The following CIITA variants were observed in gnomAD, a reference collection of about 807,000 sequenced individuals.
CIITA encodes class II major histocompatibility complex transactivator.
In CIITA, 72 loss-of-function variants were observed where a neutral mutation model predicts 115.1. That is an observed-to-expected ratio of 0.63 (90% confidence interval 0.52 to 0.76). CIITA has a LOEUF of 0.76. Among genes scored for constraint, CIITA ranks in the 30% least tolerant of loss-of-function variants. The pLI is 0.00. For synonymous variants in CIITA, 763 were observed against 635.6 expected (o/e 1.20, Z -3.02); for missense variants, 1,617 against 1,463.8 (o/e 1.10, Z -1.71).
Position 10,904,777 on chromosome 16 carries a change from C to T in CIITA, c.971C>T (p.Ala324Val), listed in dbSNP as rs759389220. Residue 324 changes from alanine to valine, a missense_variant, in exon 10 of 20, where the codon GCT becomes GTT. By Grantham distance (64) the Ala-to-Val change is moderately conservative (BLOSUM62 0). Coordinates refer to ENST00000324288, the MANE Select transcript of CIITA (RefSeq NM_000246.4). ...HKTSPTQCPA[A>V]GEVSNKLPKW... is the part of the protein sequence containing the mutation. ...ACGTCCCCCACCCAATGCCCGGCAG[C>T]TGGAGAGGTCTCCAACAAGCTTCCA... The T allele has an allele frequency of 1.9e-6, 3 of 1,614,164 alleles. No individual in the cohort carries two copies. In the South Asian group the frequency reaches 3.3e-5, roughly 18 times the overall value.
Position 10,907,631 on chromosome 16 carries a change from G to A in CIITA, c.2139G>A (p.Leu713=), listed in dbSNP as rs1319022837. 6.2e-6 allele frequency: 10 copies of A among 1,614,110 alleles called. No individual in the cohort carries two copies. The highest frequency in any genetic ancestry group is 8.5e-6 in the Non-Finnish European group (10 of 1,180,048). Residue 713 remains leucine (L), a synonymous_variant, in exon 11 of 20, where the codon CTG becomes CTA. Coordinates refer to ENST00000324288, the MANE Select transcript of CIITA (RefSeq NM_000246.4). The surrounding 1 kb of genome is among the most constrained non-coding windows in gnomAD (Gnocchi z 5.0). ...ESELAFPSFL[L]QCFLGALWLA... ...AGCTGGCCTTCCCCAGCTTCCTCCTGCAATGCTTCCTGGGGGCCCTGTGGC... is the reference window on the plus strand; with the variant it reads ...AGCTGGCCTTCCCCAGCTTCCTCCTACAATGCTTCCTGGGGGCCCTGTGGC...
In CIITA at chr16:10,901,894, T is replaced by A; in HGVS notation, c.482-144T>A. The A allele has an allele frequency of 1.7e-6, 2 of 1,198,264 alleles. No homozygotes were observed. Among genetic ancestry groups the A allele is most frequent in the East Asian group, 2.3e-5 (1 of 43,028 alleles). 74.2% of individuals were successfully genotyped at this position (1,198,264 alleles called of 1,614,324 possible). A position where few individuals can be genotyped will look rare whatever the true frequency, so the allele number is the denominator to read the frequency against. On this transcript the variant is annotated intron_variant, in intron 6 of 19. Coordinates refer to ENST00000324288, the MANE Select transcript of CIITA (RefSeq NM_000246.4). This position sits in a 1 kb window ranked among gnomAD's most constrained non-coding sequence, Gnocchi z 6.8. ...GGACTGCCTGGCACAGAGCAGTTGC[T>A]GATCAACACAGCTGCAGCCAGGGCT...
downstream of CIITA, chr16:10,940,794 C>T (rs749795149): frequency 4.6e-5 from 7 of 152,364 alleles, no homozygotes; most frequent in Non-Finnish European, 7.3e-5. This position sits in a 1 kb window ranked among gnomAD's most constrained non-coding sequence, Gnocchi z 4.2. Flanking sequence ...AAAGACAGGA[C>T]TTGACCATCT....
rs2038736337 is a variant in CIITA, at chr16:10,901,388, A to G, written c.437-126A>G. On this transcript the variant is annotated intron_variant, in intron 5 of 19. Coordinates refer to ENST00000324288, the MANE Select transcript of CIITA (RefSeq NM_000246.4). The surrounding 1 kb of genome is among the most constrained non-coding windows in gnomAD (Gnocchi z 6.8). ...GTTGGAATGTTAGAGCGAGGGGAGG[A>G]AAATGGACCCCCAAGACCACTACCC... The G allele has an allele frequency of 1.0e-6, 1 of 986,106 alleles. No homozygotes were observed. Among genetic ancestry groups the G allele is most frequent in the Non-Finnish European group, 1.6e-6 (1 of 633,940 alleles). The allele number at this position is 986,106 out of a possible 1,614,324, so 61.1% of individuals were successfully genotyped here.
chr16:10,941,649 G>T lies in CIITA; in HGVS notation n.775G>T. On this transcript the variant is annotated non_coding_transcript_exon_variant, in exon 2 of 2. Transcript: ENST00000573379. The surrounding 1 kb of genome is among the most constrained non-coding windows in gnomAD (Gnocchi z 6.4). ...TGCCCCCAACCAGCTGCGGCGGCAT[G>T]ATCTGGGCGGCTGGTCCAGGGCATG... 1 of 1,539,700 alleles carries T rather than the reference G, an allele frequency of 6.5e-7. No individual in the cohort carries two copies. Among genetic ancestry groups the T allele is most frequent in the South Asian group, 1.3e-5 (1 of 78,832 alleles).
chr16:10,915,668 G>T lies in CIITA; in HGVS notation c.2969+18G>T, dbSNP rs1015400116. On this transcript the variant is annotated intron_variant, in intron 14 of 19. Transcript: ENST00000324288. ...CATCTGGAGTGAGTATAGACTCTGGGACCCCTTCCTCTCAACATCTGGGTG... is the reference window on the plus strand; with the variant it reads ...CATCTGGAGTGAGTATAGACTCTGGTACCCCTTCCTCTCAACATCTGGGTG... 9 of 1,603,296 alleles carry T rather than the reference G, an allele frequency of 5.6e-6. No homozygotes were observed. Among genetic ancestry groups the T allele is most frequent in the Non-Finnish European group, 7.7e-6 (9 of 1,170,572 alleles).
chr16:10,941,766 A>G lies in CIITA; in HGVS notation n.892A>G. On this transcript the variant is annotated non_coding_transcript_exon_variant, in exon 2 of 2. Coordinates refer to the CIITA transcript ENST00000573379. This position sits in a 1 kb window ranked among gnomAD's most constrained non-coding sequence, Gnocchi z 6.4. ...CGTCGAGCTCCGAGTCAGCATCGTA[A>G]AGGCCCGAGCCGGGGTCGGAGAGCA... 6.2e-7 allele frequency: 1 copy of G among 1,613,352 alleles called. No individual in the cohort carries two copies. The highest frequency in any genetic ancestry group is 8.5e-7 in the Non-Finnish European group (1 of 1,179,656).
rs560340807 is a variant in CIITA, at chr16:10,879,800, C to G, written c.52+2418C>G. On this transcript the variant is annotated intron_variant, in intron 1 of 19. Coordinates refer to ENST00000324288, the MANE Select transcript of CIITA (RefSeq NM_000246.4). This position sits in a 1 kb window ranked among gnomAD's most constrained non-coding sequence, Gnocchi z 4.3. ...GTGGGAGATTGGATCTCCCTGGGGT[C>G]CAGGAAAGCCGGAATCGGAGCCACC... Among the ~76,000 whole-genome samples the G allele has an allele frequency of 6.6e-6, 1 of 152,050 alleles. No individual in the cohort carries two copies. Among genetic ancestry groups the G allele is most frequent in the Non-Finnish European group, 1.5e-5 (1 of 68,014 alleles).
chr16:10,897,333 C>T (rs542385160), intron 3 of CIITA, among the ~76,000 whole-genome samples: 43 of 152,136 alleles, frequency 2.8e-4, no homozygotes, highest in Non-Finnish European at 6.0e-4. Context: ...TCTCATAAAA[C>T]CACTAGTCTT....
At chr16:10,869,779 G>A (rs2143213683) in intron 1 of CIITA, among the ~76,000 whole-genome samples, 1 of 152,196 alleles carries the variant, frequency 6.6e-6, no homozygotes, top group Non-Finnish European at 1.5e-5. Flanking sequence ...AAAGTACTGG[G>A]ATAACAGGCA....
At chr16:10,886,271 T>C (rs1596461237) in intron 1 of CIITA, among the ~76,000 whole-genome samples, 1 of 152,158 alleles carries the variant, frequency 6.6e-6, no homozygotes, top group East Asian at 1.9e-4. Context: ...GTACTATGTT[T>C]TTAGGATCTA....
intron 12 of CIITA, 34 bp from the exon 13 acceptor site, chr16:10,910,154 G>A (rs373417020): frequency 3.5e-5 from 56 of 1,589,684 alleles, no homozygotes; most frequent in Non-Finnish European, 4.4e-5. Flanking sequence ...TGACAGCAGT[G>A]CCTGCTCCCC....
intron 11 of CIITA, chr16:10,908,694 C>A (rs986486545): frequency 7.6e-5 from 41 of 539,170 alleles, no homozygotes; most frequent in African/African-American, 7.2e-4. Context: ...CTGCAATCTG[C>A]TTGAGCATTT....
chr16:10,910,043 T>C, intron 12 of CIITA, 145 bp from the exon 13 acceptor site: 1 of 698,142 alleles, frequency 1.4e-6, no homozygotes, highest in East Asian at 2.7e-5. Flanking sequence ...ACAGATCTTT[T>C]TTTTTAAGAG....
rs2144768649 is a variant in CIITA at position 10,909,077 on chromosome 16, T to C, written c.2706T>C (p.His902=). 6.2e-7 allele frequency: 1 copy of C among 1,614,062 alleles called. No individual in the cohort carries two copies. The change falls in exon 12 of 20, where the codon CAT becomes CAC. Residue 902 remains histidine (H), a synonymous_variant. Transcript: ENST00000324288. The part of the protein sequence containing the change: ...TVALWESLQQ[H]GETKLLQAAE... ...CGCTGTGGGAGTCCCTGCAGCAGCA[T>C]GGGGAGACCAAGCTACTTCAGGCAG...
chr16:10,907,982 C>T lies in CIITA; in HGVS notation c.2490C>T (p.Pro830=), dbSNP rs909171126. 11 of 1,584,640 alleles carry T rather than the reference C, an allele frequency of 6.9e-6. No individual in the cohort carries two copies. The highest frequency in any genetic ancestry group is 4.0e-5 in the African/African-American group (3 of 74,080). The change falls in exon 11 of 20, where the codon CCC becomes CCT. Residue 830 remains proline, a synonymous_variant. Coordinates refer to ENST00000324288, the MANE Select transcript of CIITA (RefSeq NM_000246.4). The surrounding 1 kb of genome is among the most constrained non-coding windows in gnomAD (Gnocchi z 5.0). The stretch of plus-strand genomic sequence containing the variant: ...GGCAGCACGTGGTACAGGAGCTCCC[C>T]GGCCGCCTCTCTTTTCTGGGCACCC... The part of the protein sequence containing the change: ...GIWQHVVQEL[P]GRLSFLGTRL...
intron 1 of CIITA, among the ~76,000 whole-genome samples, chr16:10,869,921 T>C (rs995120638): frequency 6.6e-6 from 1 of 152,186 alleles, no homozygotes; most frequent in Non-Finnish European, 1.5e-5. Flanking sequence ...GATCACAATA[T>C]GTCCCAAATA....
intron 1 of CIITA, 76 bp downstream of exon 1, chr16:10,877,458 C>T (rs182320985): frequency 2.0e-6 from 3 of 1,468,592 alleles, no homozygotes; most frequent in South Asian, 1.2e-5. Context: ...AACAGAGAAA[C>T]CATTCTGAAT....
chr16:10,895,411 A>G lies in CIITA; in HGVS notation c.182A>G (p.Glu61Gly), dbSNP rs752699612. The stretch of plus-strand genomic sequence containing the variant: ...CAGATGGACCTGGCTGGAGAAGAAG[A>G]GATTGAGCTCTACTCAGGTGGGCCC... The part of the protein sequence containing the change: ...YDQMDLAGEE[E>G]IELYSEPDTD... Residue 61 changes from glutamate (E) to glycine (G), a missense_variant, in exon 2 of 20, where the codon GAG (glutamate) becomes GGG (glycine). Transcript: ENST00000324288. 3.1e-6 allele frequency: 5 copies of G among 1,613,884 alleles called. No homozygotes were observed. The Admixed American group carries it at 8.3e-5, about 27-fold the overall frequency.
Sources: allele counts gnomAD v4.1 joint callset (sites outside exome capture counted in the v4.1 genomes callset), GRCh38; gene constraint gnomAD v4.1.1; non-coding constraint Gnocchi (gnomAD v3.1); transcripts MANE v1.5; gene names NCBI Gene and HGNC (gene_info 2026-07-23, HGNC 2026-07-21).